Variants in OPCML observed in about 807,000 individuals in gnomAD.
OPCML encodes the protein opioid binding protein/cell adhesion molecule like, also known as opioid-binding protein/cell adhesion molecule.
In OPCML, 13 loss-of-function variants were observed where a neutral mutation model predicts 37.8. The observed-to-expected ratio is 0.34, with a 90% CI of 0.22 to 0.55. OPCML has a LOEUF of 0.55. OPCML is among the 20% of genes least tolerant of loss of function. The probability of loss-of-function intolerance (pLI) is 0.91; values close to 1 mark genes in which losing one functional copy is unlikely to be tolerated. For synonymous variants in OPCML, 176 were observed against 168.8 expected (o/e 1.04, Z -0.33); for missense variants, 341 against 435.6 (o/e 0.78, Z 1.93).
Position 133,499,876 on chromosome 11 carries a change from T to TA in OPCML, c.61+32387_61+32388insT, listed in dbSNP as rs1389927636. On this transcript the variant is annotated intron_variant, in intron 1 of 7. Coordinates refer to ENST00000524381, the MANE Select transcript of OPCML (RefSeq NM_001012393.5). The stretch of plus-strand genomic sequence containing the variant: ...TACATACACATATATATATATATAT[T>TA]TTTTTTTTTTTTTGAAAGGGAGTCT... 8.4e-3 allele frequency among the ~76,000 whole-genome samples: 547 copies of TA among 65,310 alleles called. 6 individuals are homozygous for TA. Among genetic ancestry groups the TA allele is most frequent in the African/African-American group, 0.024 (350 of 14,668 alleles). 42.8% of individuals were successfully genotyped at this position (65,310 alleles called of 152,430 possible).
intron 1 of OPCML, among the ~76,000 whole-genome samples, chr11:133,097,632 T>A (rs986626972): frequency 2.6e-5 from 4 of 151,542 alleles, no homozygotes; most frequent in Non-Finnish European, 5.9e-5. Context: ...CCAGAATAAT[T>A]AAGAAAAAAA....
chr11:132,424,540 A>G (rs2095971622), intron 7 of OPCML, among the ~76,000 whole-genome samples: 1 of 152,198 alleles, frequency 6.6e-6, no homozygotes, highest in Admixed American at 6.5e-5. Flanking sequence ...CATAACTGAG[A>G]AAACATCCCT....
rs540300102 is a variant in OPCML at position 132,438,682 on chromosome 11, G to T, written c.506-1323C>A. Among the ~76,000 whole-genome samples, 3 of 152,018 alleles carry T rather than the reference G, an allele frequency of 2.0e-5. No homozygotes were observed. In the South Asian group the frequency reaches 6.3e-4, roughly 32 times the overall value. On this transcript the variant is annotated intron_variant, in intron 4 of 7. Coordinates refer to ENST00000524381, the MANE Select transcript of OPCML (RefSeq NM_001012393.5). The stretch of plus-strand genomic sequence containing the variant: ...GGGTGTGCAGCAGAAAGGTGTCTGT[G>T]GAGGTGGGCCAGTGTGCAGGGTGTA...
intron 1 of OPCML, among the ~76,000 whole-genome samples, chr11:133,483,718 A>AGATG (rs1947442252): frequency 1.4e-5 from 2 of 147,522 alleles, no homozygotes; most frequent in Admixed American, 6.7e-5. Flanking sequence ...ATAGATAGAT[A>AGATG]GATAAAATAG....
At chr11:132,587,271 G>T (rs549676437) in intron 3 of OPCML, among the ~76,000 whole-genome samples, 1 of 152,344 alleles carries the variant, frequency 6.6e-6, no homozygotes, top group African/African-American at 2.4e-5. Context: ...CATTCACAAA[G>T]CAACATCAAT....
At chr11:132,743,692 G>A (rs1284494291) in intron 2 of OPCML, among the ~76,000 whole-genome samples, 1 of 152,174 alleles carries the variant, frequency 6.6e-6, no homozygotes, top group East Asian at 1.9e-4. Flanking sequence ...AAGCCTGCTG[G>A]TGTCACATTT....
intron 4 of OPCML, among the ~76,000 whole-genome samples, chr11:132,516,897 T>C (rs1199148567): frequency 6.6e-6 from 1 of 152,180 alleles, no homozygotes; most frequent in Non-Finnish European, 1.5e-5. Flanking sequence ...CTGATTTAGA[T>C]GTCGAACCTC....
At chr11:133,056,568 A>T (rs1224197311) in intron 1 of OPCML, among the ~76,000 whole-genome samples, 1 of 152,222 alleles carries the variant, frequency 6.6e-6, no homozygotes, top group African/African-American at 2.4e-5. Context: ...AAGAAAGTCT[A>T]TTTTTACAGA....
chr11:132,780,433 A>AT (rs1565858202), intron 2 of OPCML, among the ~76,000 whole-genome samples: 1 of 152,056 alleles, frequency 6.6e-6, no homozygotes, highest in African/African-American at 2.4e-5. Flanking sequence ...TATTCCTCAG[A>AT]TTTTTTCAGC....
intron 2 of OPCML, 91 bp downstream of exon 2, chr11:132,942,835 G>C (rs1945627501): frequency 3.9e-6 from 6 of 1,526,144 alleles, no homozygotes; most frequent in Admixed American, 1.7e-5. Context: ...TCGCGTTCCG[G>C]TCCCCCATGG....
chr11:133,096,619 T>C (rs1949007840), intron 1 of OPCML, among the ~76,000 whole-genome samples: 3 of 152,026 alleles, frequency 2.0e-5, no homozygotes, highest in Admixed American at 6.5e-5. Flanking sequence ...AACTCAACTA[T>C]ATATTGCCTA....
intron 1 of OPCML, among the ~76,000 whole-genome samples, chr11:132,981,317 C>T (rs117128016): frequency 2.5e-3 from 388 of 152,204 alleles, no homozygotes; most frequent in Non-Finnish European, 4.9e-3. Flanking sequence ...GATAAGGCCA[C>T]GTGGTGGTTA....
chr11:133,343,935 G>T (rs943720873), intron 1 of OPCML, among the ~76,000 whole-genome samples: 1 of 152,130 alleles, frequency 6.6e-6, no homozygotes, highest in Non-Finnish European at 1.5e-5. Context: ...AGTCTCCTCC[G>T]CAAAGTCCCT....
Position 132,943,069 on chromosome 11 carries a change from G to C in OPCML, c.62-59C>G. Reference sequence around the variant, plus strand: ...CGACCACGAGGCACTTCCAGGGCAGGAACAGGTACCCACAGACCCCCATTC... The same window carrying C: ...CGACCACGAGGCACTTCCAGGGCAGCAACAGGTACCCACAGACCCCCATTC... On this transcript the variant is annotated intron_variant, in intron 1 of 7. Transcript: ENST00000524381. This position sits in a 1 kb window ranked among gnomAD's most constrained non-coding sequence, Gnocchi z 4.3. The C allele has an allele frequency of 6.2e-7, 1 of 1,614,112 alleles. No individual in the cohort carries two copies. Among genetic ancestry groups the C allele is most frequent in the African/African-American group, 1.3e-5 (1 of 75,044 alleles).
At chr11:133,153,748 G>A (rs1442887931) in intron 1 of OPCML, among the ~76,000 whole-genome samples, 1 of 149,752 alleles carries the variant, frequency 6.7e-6, no homozygotes, top group Non-Finnish European at 1.5e-5. Flanking sequence ...GGAGAAATAA[G>A]GGAAGGAGGT....
At chr11:133,289,594 CAAA>C (rs1229577687) in intron 1 of OPCML, among the ~76,000 whole-genome samples, 62 of 52,284 alleles carry the variant, frequency 1.2e-3, no homozygotes, top group African/African-American at 4.5e-3. Flanking sequence ...GACTCCATCT[CAAA>C]AAAAAAAAAA....
intron 1 of OPCML, among the ~76,000 whole-genome samples, chr11:133,510,481 C>T (rs1948131503): frequency 1.3e-5 from 2 of 152,184 alleles, no homozygotes; most frequent in Non-Finnish European, 2.9e-5. Context: ...TGATGCAAAT[C>T]GTTTGTGGGC....
intron 4 of OPCML, among the ~76,000 whole-genome samples, chr11:132,520,645 A>G (rs1256196960): frequency 2.7e-5 from 4 of 146,816 alleles, no homozygotes; most frequent in Admixed American, 6.8e-5. Context: ...ATCTCCCCCA[A>G]TGGTGTCATC....
chr11:133,176,669 GCTTCCTGAGGC>G (rs1937605563), intron 1 of OPCML, among the ~76,000 whole-genome samples: 1 of 152,204 alleles, frequency 6.6e-6, no homozygotes, highest in Non-Finnish European at 1.5e-5. Context: ...AAGATTATAA[GCTTCCTGAGGC>G]CTCACCAGAA....
Sources: gnomAD v4.1 joint callset for allele counts (sites outside exome capture counted in the v4.1 genomes callset) on GRCh38, gnomAD v4.1.1 for gene constraint, Gnocchi (gnomAD v3.1) non-coding constraint, MANE v1.5 for transcripts, NCBI Gene and HGNC (gene_info 2026-07-23, HGNC 2026-07-21) for gene names.